ABLIM1: variants seen among roughly 807,000 people sequenced by gnomAD.
The protein encoded by ABLIM1 is actin binding LIM protein 1, also known as actin-binding LIM protein 1.
A neutral mutation model predicts 107.0 loss-of-function variants in ABLIM1; 40 were observed. The observed-to-expected ratio is 0.37, with a 90% CI of 0.29 to 0.49. ABLIM1 has a LOEUF of 0.49. Ranked by LOEUF, ABLIM1 falls within the 20% of genes least tolerant of loss-of-function variation. The pLI is 0.97. For missense variants in ABLIM1, 857 were observed against 1,008.5 expected (o/e 0.85, Z 2.04); for synonymous variants, 357 against 357.3 (o/e 1.00, Z 0.01).
chr10:114,561,938 G>T (rs1397895956), intron 4 of ABLIM1, among the ~76,000 whole-genome samples: 3 of 152,088 alleles, frequency 2.0e-5, no homozygotes, highest in Admixed American at 6.6e-5. Context: ...GATCACTCTG[G>T]GATCTTGATG....
chr10:114,669,671 C>T (rs1232504529), intron 1 of ABLIM1, among the ~76,000 whole-genome samples: 1 of 152,112 alleles, frequency 6.6e-6, no homozygotes, highest in Non-Finnish European at 1.5e-5. Flanking sequence ...TGATGGAAAC[C>T]AATGTATTCT....
chr10:114,654,579 T>C (rs530218001), intron 1 of ABLIM1, among the ~76,000 whole-genome samples: 253 of 152,278 alleles, frequency 1.7e-3, no homozygotes, highest in African/African-American at 5.5e-3. Context: ...CTCAAGTAGC[T>C]GGTACTATAG....
At chr10:114,654,186 G>A (rs1355060286) in intron 1 of ABLIM1, among the ~76,000 whole-genome samples, 2 of 152,220 alleles carry the variant, frequency 1.3e-5, no homozygotes, top group East Asian at 1.9e-4. Flanking sequence ...TGAACACACA[G>A]TGGCTTTCTG....
chr10:114,753,528 T>A (rs1408161260), intron 1 of ABLIM1, among the ~76,000 whole-genome samples: 2 of 152,184 alleles, frequency 1.3e-5, no homozygotes, highest in African/African-American at 4.8e-5. Context: ...TCATAAAACA[T>A]GAGCAATGTC....
At chr10:114,449,295 C>T (rs1250562612) in intron 14 of ABLIM1, among the ~76,000 whole-genome samples, 1 of 152,110 alleles carries the variant, frequency 6.6e-6, no homozygotes, top group African/African-American at 2.4e-5. Context: ...ATTTATAATG[C>T]CTTAAATAAC....
intron 1 of ABLIM1, among the ~76,000 whole-genome samples, chr10:114,735,854 C>T (rs2082168803): frequency 6.6e-6 from 1 of 152,148 alleles, no homozygotes; most frequent in African/African-American, 2.4e-5. Flanking sequence ...AAAGCTGGAA[C>T]AGGAATACAA....
At chr10:114,654,760 T>C (rs1164371818) in intron 1 of ABLIM1, among the ~76,000 whole-genome samples, 1 of 152,210 alleles carries the variant, frequency 6.6e-6, no homozygotes, top group Non-Finnish European at 1.5e-5. Flanking sequence ...GGATGGGGAA[T>C]CTGAGCCTCC....
the ABLIM1 span, among the ~76,000 whole-genome samples, chr10:114,781,211 A>G: frequency 6.6e-6 from 1 of 152,164 alleles, no homozygotes; most frequent in Non-Finnish European, 1.5e-5. Context: ...CCCACTTAAA[A>G]AAATATAATG....
intron 1 of ABLIM1, chr10:114,632,168 C>T (rs2078230735): frequency 1.0e-6 from 1 of 985,268 alleles, no homozygotes; most frequent in Non-Finnish European, 1.2e-6. Flanking sequence ...GCGCCCAGCT[C>T]GGGGACTCTG....
the ABLIM1 span, among the ~76,000 whole-genome samples, chr10:114,793,338 T>A: frequency 1.3e-5 from 2 of 151,892 alleles, no homozygotes; most frequent in Non-Finnish European, 2.9e-5. Context: ...GCACCTTCCC[T>A]CACTCTCTTG....
At chr10:114,796,366 T>G in the ABLIM1 span, among the ~76,000 whole-genome samples, 8 of 152,098 alleles carry the variant, frequency 5.3e-5, no homozygotes, top group Admixed American at 3.3e-4. Flanking sequence ...CTAAGCTCAC[T>G]CACATGGTTG....
rs536045062 is a variant in ABLIM1, at chr10:114,737,399, C to T, written c.-213+30662G>A. ...GGCCTGCTGAACTCAAGGCCTTTTCCGACCTTGACCTTTGAGACGACATCA... is the reference window on the plus strand; with the variant it reads ...GGCCTGCTGAACTCAAGGCCTTTTCTGACCTTGACCTTTGAGACGACATCA... On this transcript the variant is annotated intron_variant, in intron 1 of 15. Coordinates refer to the ABLIM1 transcript ENST00000651092. 2.0e-5 allele frequency among the ~76,000 whole-genome samples: 3 copies of T among 152,282 alleles called. No individual in the cohort carries two copies. In the East Asian group the frequency reaches 5.8e-4, roughly 29 times the overall value.
intron 1 of ABLIM1, among the ~76,000 whole-genome samples, chr10:114,728,672 T>A (rs936635301): frequency 6.6e-6 from 1 of 151,768 alleles, no homozygotes; most frequent in Admixed American, 6.6e-5. Context: ...AAAGCTGTGA[T>A]GTGTATTGTT....
intron 4 of ABLIM1, among the ~76,000 whole-genome samples, chr10:114,552,214 A>G (rs921813259): frequency 6.6e-6 from 1 of 152,190 alleles, no homozygotes; most frequent in Non-Finnish European, 1.5e-5. Flanking sequence ...GCAGAGACAA[A>G]AGATTCATGC....
chr10:114,699,213 G>GA (rs10707827), intron 1 of ABLIM1, among the ~76,000 whole-genome samples: 10 of 149,748 alleles, frequency 6.7e-5, no homozygotes, highest in Non-Finnish European at 1.0e-4. Flanking sequence ...AAAATTTTGA[G>GA]AAAAAAAAAG....
At chr10:114,638,567 C>T (rs2078589113) in intron 1 of ABLIM1, among the ~76,000 whole-genome samples, 1 of 151,938 alleles carries the variant, frequency 6.6e-6, no homozygotes, top group Non-Finnish European at 1.5e-5. Context: ...CTTTGGGTTA[C>T]TGGGCCTTCC....
intron 1 of ABLIM1, among the ~76,000 whole-genome samples, chr10:114,651,347 G>T (rs571442202): frequency 2.9e-4 from 44 of 152,248 alleles, no homozygotes; most frequent in Non-Finnish European, 1.0e-4. Context: ...ACAAAGATGT[G>T]CAGAGGATGC....
intron 14 of ABLIM1, among the ~76,000 whole-genome samples, chr10:114,449,164 G>C (rs189324499): frequency 6.6e-6 from 1 of 152,326 alleles, no homozygotes; most frequent in Admixed American, 6.5e-5. Flanking sequence ...AGGAGTCACA[G>C]CTTAGAGCCC....
At chr10:114,643,045 C>T (rs2497692) in intron 1 of ABLIM1, among the ~76,000 whole-genome samples, 3,150 of 152,230 alleles carry the variant, frequency 0.021, 97 homozygotes, top group African/African-American at 0.072. Flanking sequence ...AGCACAACAC[C>T]GTGAACCCTT....
Sources: gnomAD v4.1 joint callset for allele counts (sites outside exome capture counted in the v4.1 genomes callset) on GRCh38, gnomAD v4.1.1 for gene constraint, MANE v1.5 for transcripts, NCBI Gene and HGNC (gene_info 2026-07-23, HGNC 2026-07-21) for gene names.